Variants in PTPRG observed in about 807,000 individuals in gnomAD.
PTPRG encodes protein tyrosine phosphatase receptor type G.
In PTPRG, 102 loss-of-function variants were observed where a neutral mutation model predicts 165.3. The ratio of observed to expected loss-of-function variants is 0.62; its 90% CI spans 0.53 to 0.73. PTPRG has a LOEUF of 0.73. Ranked by LOEUF, PTPRG falls within the 30% of genes least tolerant of loss-of-function variation. PTPRG has a pLI of 0.00. For missense variants in PTPRG, 1,866 were observed against 1,861.4 expected (o/e 1.00, Z -0.05); for synonymous variants, 675 against 669.5 (o/e 1.01, Z -0.13).
intron 1 of PTPRG, among the ~76,000 whole-genome samples, chr3:61,612,829 G>C (rs941987311): frequency 6.6e-6 from 1 of 150,606 alleles, no homozygotes; most frequent in Admixed American, 6.7e-5. Flanking sequence ...CCTATTACTC[G>C]TTCTGAATTC....
intron 2 of PTPRG, among the ~76,000 whole-genome samples, chr3:61,816,132 T>A (rs570308576): frequency 6.6e-6 from 1 of 152,126 alleles, no homozygotes; most frequent in Non-Finnish European, 1.5e-5. Flanking sequence ...GTGAGGAAAT[T>A]GAGATCCAGG....
intron 1 of PTPRG, among the ~76,000 whole-genome samples, chr3:61,694,135 C>T (rs1454936422): frequency 6.6e-6 from 1 of 151,586 alleles, no homozygotes; most frequent in Middle Eastern, 3.2e-3. Context: ...ATTTCAGAGA[C>T]AGGGAACAGC....
chr3:61,918,362 G>GTATATATA (rs143655937), intron 2 of PTPRG, among the ~76,000 whole-genome samples: 137 of 151,142 alleles, frequency 9.1e-4, no homozygotes, highest in South Asian at 4.6e-3. Flanking sequence ...TGGGAAATAT[G>GTATATATA]TATATATATA....
chr3:61,866,520 A>G (rs1334799966), intron 2 of PTPRG, among the ~76,000 whole-genome samples: 1 of 147,816 alleles, frequency 6.8e-6, no homozygotes, highest in Non-Finnish European at 1.5e-5. Flanking sequence ...AGAGGTGAGC[A>G]TAGCTCCTTT....
intron 10 of PTPRG, among the ~76,000 whole-genome samples, chr3:62,196,454 A>G (rs191650469): frequency 3.9e-4 from 60 of 152,244 alleles, no homozygotes; most frequent in Admixed American, 1.2e-3. Flanking sequence ...TAAAAGCAAA[A>G]TTAATGTAAA....
At chr3:61,676,656 C>T (rs1703244149) in intron 1 of PTPRG, among the ~76,000 whole-genome samples, 1 of 151,960 alleles carries the variant, frequency 6.6e-6, no homozygotes, top group African/African-American at 2.4e-5. Context: ...TGTGACTCTT[C>T]CAAAGACATC....
chr3:61,748,772 C>G, intron 1 of PTPRG, 106 bp from the exon 2 acceptor site: 1 of 832,404 alleles, frequency 1.2e-6, no homozygotes, highest in Non-Finnish European at 1.9e-6. Context: ...CAGTCATCCT[C>G]AAGGACTATG....
chr3:61,974,997 T>C (rs987536999), intron 2 of PTPRG, among the ~76,000 whole-genome samples: 2 of 152,202 alleles, frequency 1.3e-5, no homozygotes, highest in African/African-American at 4.8e-5. Flanking sequence ...TCTGGAGCCA[T>C]CTCTCTGAGT....
chr3:62,007,650 G>A (rs1469187175), intron 4 of PTPRG, among the ~76,000 whole-genome samples: 1 of 152,154 alleles, frequency 6.6e-6, no homozygotes, highest in African/African-American at 2.4e-5. Context: ...ACACTCCAGT[G>A]GTGACACAGA....
At chr3:62,162,495 T>A (rs1307198754) in intron 7 of PTPRG, among the ~76,000 whole-genome samples, 4 of 152,242 alleles carry the variant, frequency 2.6e-5, no homozygotes, top group Admixed American at 1.3e-4. Flanking sequence ...TTTATTACCC[T>A]GCTGTGGCAA....
In PTPRG at chr3:62,292,535, G is replaced by A. The variant is rs1702934928; in HGVS notation, c.4170G>A (p.Arg1390=). 6.2e-7 allele frequency: 1 copy of A among 1,613,344 alleles called. No homozygotes were observed. Among genetic ancestry groups the A allele is most frequent in the African/African-American group, 1.3e-5 (1 of 74,946 alleles). The change falls in exon 29 of 30, where the codon AGG becomes AGA. Residue 1390 remains arginine (R), a synonymous_variant. Transcript: ENST00000474889. ...TTGCAAAAATGATCAATCTTATGAGGCCTGGAGTATTCACAGACATTGTAA... is the reference window on the plus strand; with the variant it reads ...TTGCAAAAATGATCAATCTTATGAGACCTGGAGTATTCACAGACATTGTAA... ...FQVAKMINLM[R]PGVFTDIEQY...
chr3:61,562,313 G>A lies in PTPRG; in HGVS notation c.26G>A (p.Trp9Ter). 1 of 1,613,692 alleles carries A rather than the reference G, an allele frequency of 6.2e-7. No individual in the cohort carries two copies. The highest frequency in any genetic ancestry group is 8.5e-7 in the Non-Finnish European group (1 of 1,179,700). MRRLLEPC[W>*]WILFLKITSS... ...ATGCGGAGGTTACTGGAACCGTGTT[G>A]GTGGATTTTGTTCCTGAAAATCACC... is the stretch of plus-strand genomic sequence containing the variant. The change falls in exon 1 of 30, where the codon TGG (tryptophan) becomes TAG (stop). Residue 9 changes from tryptophan to a stop codon, truncating the protein, a stop_gained. Transcript: ENST00000474889. LOFTEE classifies it high-confidence loss of function.
At chr3:61,830,874 G>A (rs563779703) in intron 2 of PTPRG, among the ~76,000 whole-genome samples, 57 of 152,264 alleles carry the variant, frequency 3.7e-4, no homozygotes, top group African/African-American at 1.3e-3. Context: ...GCGCCCTGCC[G>A]ATGGATCTCT....
At chr3:61,603,858 C>T (rs1700929541) in intron 1 of PTPRG, among the ~76,000 whole-genome samples, 1 of 152,122 alleles carries the variant, frequency 6.6e-6, no homozygotes, top group Non-Finnish European at 1.5e-5. Flanking sequence ...CAGTGTCTCT[C>T]TCCCCTTACT....
intron 1 of PTPRG, among the ~76,000 whole-genome samples, chr3:61,738,971 CTTTTTTTTTTTT>C (rs1174097640): frequency 4.6e-5 from 2 of 43,684 alleles, no homozygotes; most frequent in Admixed American, 2.7e-4. Context: ...TGCTCTGTTG[CTTTTTTTTTTTT>C]TTTTTTTGTT....
chr3:61,687,225 TATC>T (rs1318087229), intron 1 of PTPRG, among the ~76,000 whole-genome samples: 5 of 152,262 alleles, frequency 3.3e-5, no homozygotes, highest in Non-Finnish European at 7.3e-5. Context: ...AACATCTTAT[TATC>T]TGGCTTATTT....
At chr3:61,909,462 A>T (rs1296883107) in intron 2 of PTPRG, among the ~76,000 whole-genome samples, 2 of 152,068 alleles carry the variant, frequency 1.3e-5, no homozygotes, top group Non-Finnish European at 2.9e-5. Context: ...CAATCCTCCC[A>T]CGTCAGTCCC....
intron 28 of PTPRG, among the ~76,000 whole-genome samples, chr3:62,288,476 C>T (rs1437569031): frequency 6.6e-6 from 1 of 152,018 alleles, no homozygotes; most frequent in Admixed American, 6.6e-5. Context: ...AGTTCAAGAC[C>T]AGCCTGGCCA....
intron 1 of PTPRG, among the ~76,000 whole-genome samples, chr3:61,644,961 T>A (rs1702161986): frequency 6.6e-6 from 1 of 152,242 alleles, no homozygotes; most frequent in African/African-American, 2.4e-5. Context: ...ACATTAGAGC[T>A]GCTTGGTTTG....
Sources: allele counts gnomAD v4.1 joint callset (sites outside exome capture counted in the v4.1 genomes callset), GRCh38; gene constraint gnomAD v4.1.1; transcripts MANE v1.5; gene names NCBI Gene and HGNC (gene_info 2026-07-23, HGNC 2026-07-21).